Variants in TNNT3 observed in about 807,000 individuals in gnomAD.
The protein encoded by TNNT3 is troponin T3, fast skeletal type.
Under a neutral mutation model 54.2 loss-of-function variants are expected in TNNT3, and 36 were observed. The observed-to-expected ratio is 0.66, with a 90% CI of 0.51 to 0.88. The LOEUF (loss-of-function observed/expected upper bound fraction) is 0.88. Among genes scored for constraint, TNNT3 ranks in the 40% least tolerant of loss-of-function variants. TNNT3 has a pLI of 0.00. For synonymous variants in TNNT3, 120 were observed against 109.7 expected (o/e 1.09, Z -0.59); for missense variants, 291 against 331.6 (o/e 0.88, Z 0.95).
intron 14 of TNNT3, 72 bp from the exon 15 acceptor site, chr11:1,936,891 G>A: frequency 1.3e-6 from 2 of 1,516,006 alleles, no homozygotes; most frequent in East Asian, 2.4e-5. Flanking sequence ...CTGCGGTGGA[G>A]ACAGGCCTTC....
At chr11:1,926,470 T>G (rs1235326401) in intron 5 of TNNT3, 1 of 1,613,154 alleles carries the variant, frequency 6.2e-7, no homozygotes, top group Admixed American at 1.7e-5. Flanking sequence ...GCCCGTGAAG[T>G]TCATGAACCA....
Position 1,924,990 on chromosome 11 carries a change from G to A in TNNT3, c.50-109G>A, listed in dbSNP as rs189857025. On this transcript the variant is annotated intron_variant, in intron 4 of 15. Transcript: ENST00000278317. ...AGCGAGCCCCAGGCCCTCTTCTCCC[G>A]GCCAGCCGGCCTCCTGTCCTTGCGG... is the stretch of plus-strand genomic sequence containing the variant. The A allele has an allele frequency of 6.1e-6, 8 of 1,318,830 alleles. No individual in the cohort carries two copies. In the South Asian group the frequency reaches 7.4e-5, roughly 12 times the overall value. The allele number at this position is 1,318,830 out of a possible 1,614,324, so 81.7% of individuals were successfully genotyped here.
chr11:1,920,153 C>A (rs1849760148), intron 1 of TNNT3, among the ~76,000 whole-genome samples: 1 of 152,184 alleles, frequency 6.6e-6, no homozygotes, highest in Admixed American at 6.5e-5. Context: ...GCTTAGGTTG[C>A]CAGCTTGTGG....
At chr11:1,923,714 C>A (rs146986911) in intron 4 of TNNT3, 142 bp downstream of exon 4, 8 of 686,344 alleles carry the variant, frequency 1.2e-5, no homozygotes, top group African/African-American at 7.1e-5. Flanking sequence ...TCTTCCTCAT[C>A]ATTAGTCACT....
intron 5 of TNNT3, 167 bp from the exon 6 acceptor site, chr11:1,926,528 G>C: frequency 1.2e-6 from 2 of 1,612,872 alleles, no homozygotes; most frequent in Non-Finnish European, 1.7e-6. Context: ...GGCCATGTGG[G>C]GGGTGCAGGA....
intron 5 of TNNT3, chr11:1,926,470 T>C (rs1235326401): frequency 1.2e-6 from 2 of 1,613,036 alleles, no homozygotes; most frequent in African/African-American, 1.3e-5. Context: ...GCCCGTGAAG[T>C]TCATGAACCA....
intron 5 of TNNT3, chr11:1,925,396 G>A (rs922796119): frequency 3.4e-6 from 4 of 1,182,306 alleles, no homozygotes; most frequent in Non-Finnish European, 2.4e-6. Context: ...CAGCCAAGGG[G>A]CCCCCACATG....
chr11:1,926,100 C>T (rs1029404491), intron 5 of TNNT3, among the ~76,000 whole-genome samples: 5 of 152,170 alleles, frequency 3.3e-5, no homozygotes, highest in African/African-American at 7.2e-5. Context: ...CTTGGTGCCC[C>T]GGCCAGAGGC....
chr11:1,929,020 G>T (rs1402625667), intron 6 of TNNT3, 100 bp from the exon 7 acceptor site: 10 of 1,359,642 alleles, frequency 7.4e-6, no homozygotes, highest in Non-Finnish European at 1.0e-5. Context: ...AGTGAGAGGG[G>T]TGGGCCCCTT....
intron 1 of TNNT3, among the ~76,000 whole-genome samples, chr11:1,920,290 A>G (rs945487120): frequency 2.0e-5 from 3 of 152,182 alleles, no homozygotes; most frequent in Non-Finnish European, 4.4e-5. Context: ...CTGTATGGCC[A>G]GCCCGAGTGT....
chr11:1,923,862 C>T (rs932242410), intron 4 of TNNT3, among the ~76,000 whole-genome samples: 1 of 152,110 alleles, frequency 6.6e-6, no homozygotes, highest in African/African-American at 2.4e-5. Context: ...AATCCTTCAT[C>T]CTCCGTGTGC....
chr11:1,926,392 A>G, intron 5 of TNNT3: 1 of 1,587,426 alleles, frequency 6.3e-7, no homozygotes, highest in East Asian at 2.2e-5. Flanking sequence ...GGGCTTTTCC[A>G]TTAACCTCGG....
At chr11:1,929,240 T>C in intron 7 of TNNT3, 97 bp downstream of exon 7, 1 of 1,406,236 alleles carries the variant, frequency 7.1e-7, no homozygotes, top group Non-Finnish European at 1.0e-6. Flanking sequence ...CCCTGCCTCC[T>C]CCTCCCTCTG....
chr11:1,923,786 G>A (rs1317342468), intron 4 of TNNT3, among the ~76,000 whole-genome samples: 1 of 152,032 alleles, frequency 6.6e-6, no homozygotes, highest in East Asian at 1.9e-4. Flanking sequence ...AATGATGGAT[G>A]AGTCATTAAA....
At chr11:1,921,095 G>C (rs978573865) in intron 1 of TNNT3, among the ~76,000 whole-genome samples, 6 of 152,190 alleles carry the variant, frequency 3.9e-5, no homozygotes, top group Non-Finnish European at 8.8e-5. Flanking sequence ...GGTGCCCGAG[G>C]GTGAGGGGGC....
intron 7 of TNNT3, 135 bp from the exon 8 acceptor site, chr11:1,929,675 C>G: frequency 1.1e-6 from 1 of 946,646 alleles, no homozygotes; most frequent in African/African-American, 1.6e-5. Context: ...GTTGGGGGTA[C>G]TCCCAGCTGA....
At chr11:1,924,820 C>A (rs1237689878) in intron 4 of TNNT3, 10 of 596,630 alleles carry the variant, frequency 1.7e-5, no homozygotes, top group Non-Finnish European at 2.7e-5. Context: ...AATACCAGGC[C>A]CCCAGGAGGG....
At chr11:1,922,288 A>T (rs1409816481) in intron 1 of TNNT3, among the ~76,000 whole-genome samples, 1 of 152,136 alleles carries the variant, frequency 6.6e-6, no homozygotes, top group Non-Finnish European at 1.5e-5. Context: ...CAGGCACAGA[A>T]GGGAGCTTTG....
chr11:1,923,132 G>C, intron 3 of TNNT3, 71 bp downstream of exon 3: 2 of 1,595,042 alleles, frequency 1.3e-6, no homozygotes, highest in Non-Finnish European at 1.7e-6. Context: ...CAGGGGGCTG[G>C]ACTGTGCATA....
Sources: allele counts gnomAD v4.1 joint callset (sites outside exome capture counted in the v4.1 genomes callset), GRCh38; gene constraint gnomAD v4.1.1; transcripts MANE v1.5; gene names NCBI Gene and HGNC (gene_info 2026-07-23, HGNC 2026-07-21).